SNX7: variants seen among roughly 807,000 people sequenced by gnomAD.
SNX7 encodes sorting nexin 7.
A neutral mutation model predicts 48.4 loss-of-function variants in SNX7; 35 were observed. The ratio of observed to expected loss-of-function variants is 0.72; its 90% CI spans 0.55 to 0.96. SNX7 has a LOEUF of 0.96. Ranked by LOEUF, SNX7 falls within the 40% of genes least tolerant of loss-of-function variation. The probability of loss-of-function intolerance (pLI) is 0.00; values close to 1 mark genes in which losing one functional copy is unlikely to be tolerated. For synonymous variants in SNX7, 190 were observed against 190.2 expected (o/e 1.00, Z 0.01); for missense variants, 553 against 548.9 (o/e 1.01, Z -0.07).
intron 6 of SNX7, 103 bp downstream of exon 6, chr1:98,699,008 T>A: frequency 1.8e-6 from 2 of 1,090,546 alleles, no homozygotes; most frequent in Non-Finnish European, 2.7e-6. Flanking sequence ...CTTTTTGTCC[T>A]AGCAGGTTGT....
chr1:98,752,005 CT>C lies in SNX7; in HGVS notation c.1279-8043del, dbSNP rs1173038138. Among the ~76,000 whole-genome samples the C allele has an allele frequency of 4.6e-5, 7 of 152,140 alleles. No homozygotes were observed. In the South Asian group the frequency reaches 8.3e-4, roughly 18 times the overall value. Reference sequence around the variant, plus strand: ...CTACTCTGATTTTGACAGATACTAACTTTTTTCACTCACTGTAATGATTTAA... The same window carrying C: ...CTACTCTGATTTTGACAGATACTAACTTTTTCACTCACTGTAATGATTTAA... On this transcript the variant is annotated intron_variant, in intron 8 of 8. Coordinates refer to ENST00000306121, the MANE Select transcript of SNX7 (RefSeq NM_015976.5).
chr1:98,733,857 C>T (rs1653641777), intron 7 of SNX7, among the ~76,000 whole-genome samples: 1 of 152,016 alleles, frequency 6.6e-6, no homozygotes, highest in African/African-American at 2.4e-5. Flanking sequence ...CTTTCTTCTC[C>T]TCCTTTGTTT....
chr1:98,747,372 T>C (rs1480929549), intron 8 of SNX7, among the ~76,000 whole-genome samples: 2 of 152,164 alleles, frequency 1.3e-5, no homozygotes, highest in African/African-American at 2.4e-5. Context: ...TCAGTTGGAA[T>C]CTTCGATAGC....
At chr1:98,740,291 G>T (rs1204396983) in intron 8 of SNX7, among the ~76,000 whole-genome samples, 1 of 152,060 alleles carries the variant, frequency 6.6e-6, no homozygotes, top group African/African-American at 2.4e-5. Flanking sequence ...TAAATCCACA[G>T]AACTAACCTT....
chr1:98,717,474 C>T (rs193231359), intron 7 of SNX7, among the ~76,000 whole-genome samples: 1 of 152,150 alleles, frequency 6.6e-6, no homozygotes, highest in East Asian at 1.9e-4. Flanking sequence ...CAAGACGATA[C>T]TTGTACATAG....
chr1:98,752,726 A>G (rs1397309841), intron 8 of SNX7, among the ~76,000 whole-genome samples: 4 of 152,072 alleles, frequency 2.6e-5, no homozygotes, highest in Non-Finnish European at 5.9e-5. Flanking sequence ...TATTCCTGGC[A>G]TGTATTAATT....
In SNX7 at chr1:98,698,929, T is replaced by C. The variant is rs7549594; in HGVS notation, c.1038+24T>C. On this transcript the variant is annotated intron_variant, in intron 6 of 8. Transcript: ENST00000306121. The stretch of plus-strand genomic sequence containing the variant: ...TGGTAAGAACACCTAATTCTAATTT[T>C]ACCTCAGTCCCTTACCTGATTATAA... The C allele has an allele frequency of 4.5e-3, 7,287 of 1,607,722 alleles. 285 individuals carry two copies. The African/African-American group carries it at 0.086, about 19-fold the overall frequency.
rs775318624 is a variant in SNX7 at position 98,691,489 on chromosome 1, T to TATGG, written c.475-45_475-42dup. 5.5e-6 allele frequency: 8 copies of TATGG among 1,466,942 alleles called. No individual in the cohort carries two copies. In the Admixed American group the frequency reaches 9.3e-5, roughly 17 times the overall value. 90.9% of individuals were successfully genotyped at this position (1,466,942 alleles called of 1,614,324 possible). On this transcript the variant is annotated intron_variant, in intron 3 of 8. Transcript: ENST00000306121. ...GAAAGCGTAGAATTGCTTATAAACC[T>TATGG]ATGGCTAATAATACTTGAATACCTT...
intron 8 of SNX7, among the ~76,000 whole-genome samples, chr1:98,739,851 T>G (rs1482141): frequency 0.94 from 143,414 of 152,222 alleles, 67,920 homozygotes; most frequent in Non-Finnish European, 0.99. Context: ...TATAAATTTA[T>G]TCTTTTACCT....
chr1:98,680,574 T>G (rs994637230), intron 1 of SNX7, among the ~76,000 whole-genome samples: 2 of 152,182 alleles, frequency 1.3e-5, no homozygotes, highest in Non-Finnish European at 2.9e-5. Flanking sequence ...CTAAACGCCT[T>G]AAACAGCACC....
chr1:98,687,160 G>A (rs1198499541), intron 2 of SNX7, among the ~76,000 whole-genome samples: 4 of 152,062 alleles, frequency 2.6e-5, no homozygotes, highest in African/African-American at 4.8e-5. Context: ...ATCCTCAAAC[G>A]TAGATATTAT....
intron 4 of SNX7, among the ~76,000 whole-genome samples, chr1:98,693,671 T>C (rs1421788659): frequency 6.6e-6 from 1 of 152,208 alleles, no homozygotes; most frequent in African/African-American, 2.4e-5. Context: ...ATGGCATCTG[T>C]TATTATTGGC....
chr1:98,681,525 A>G (rs375831949), intron 1 of SNX7, among the ~76,000 whole-genome samples: 1 of 152,252 alleles, frequency 6.6e-6, no homozygotes, highest in African/African-American at 2.4e-5. Flanking sequence ...TTAAACCTCT[A>G]TCTACCTTAA....
rs1444925664 is a variant in SNX7 at position 98,752,597 on chromosome 1, T to C, written c.1279-7457T>C. Among the ~76,000 whole-genome samples, 8 of 151,976 alleles carry C rather than the reference T, an allele frequency of 5.3e-5. No individual in the cohort carries two copies. The East Asian group carries it at 1.4e-3, about 26-fold the overall frequency. On this transcript the variant is annotated intron_variant, in intron 8 of 8. Transcript: ENST00000306121. The stretch of plus-strand genomic sequence containing the variant: ...GTTTGGAGAGCAATAGAAACCAAGA[T>C]ATCAGTTGGTTAGTGTTCAAATAGA...
intron 4 of SNX7, 54 bp from the exon 5 acceptor site, chr1:98,695,464 G>C: frequency 6.5e-7 from 1 of 1,527,944 alleles, no homozygotes. Flanking sequence ...TTTGTATTGA[G>C]TCTCGGAATA....
intron 7 of SNX7, among the ~76,000 whole-genome samples, chr1:98,725,416 T>A (rs1043334928): frequency 1.3e-5 from 2 of 152,128 alleles, no homozygotes; most frequent in Admixed American, 1.3e-4. Context: ...GAAAGAAGTG[T>A]TCCAAAAACG....
rs991600073 is a variant in SNX7, at chr1:98,662,843, C to G, written c.180+932C>G. The G allele has an allele frequency of 4.7e-6, 6 of 1,288,352 alleles. No homozygotes were observed. The African/African-American group carries it at 9.1e-5, about 20-fold the overall frequency. The allele number at this position is 1,288,352 out of a possible 1,614,324, so 79.8% of individuals were successfully genotyped here. ...TAAAGCAAACGACCTACTTAACCAC[C>G]GCATTTACTCTGGGAGAGCAAACCA... is the stretch of plus-strand genomic sequence containing the variant. On this transcript the variant is annotated intron_variant, in intron 1 of 8. Transcript: ENST00000306121.
chr1:98,738,812 A>G (rs932769708), intron 8 of SNX7, among the ~76,000 whole-genome samples: 5 of 152,100 alleles, frequency 3.3e-5, no homozygotes, highest in African/African-American at 1.2e-4. Flanking sequence ...GAGTAACAAC[A>G]TCTTTTTTTA....
intron 1 of SNX7, among the ~76,000 whole-genome samples, chr1:98,674,715 A>G (rs1225830961): frequency 6.6e-6 from 1 of 152,230 alleles, no homozygotes; most frequent in Non-Finnish European, 1.5e-5. Flanking sequence ...TGATTTTTGC[A>G]ATAAATTCTA....
Sources: allele counts gnomAD v4.1 joint callset (sites outside exome capture counted in the v4.1 genomes callset), GRCh38; gene constraint gnomAD v4.1.1; transcripts MANE v1.5; gene names NCBI Gene and HGNC (gene_info 2026-07-23, HGNC 2026-07-21).